The following ACSF3 variants were observed in gnomAD, a reference collection of about 807,000 sequenced individuals.
ACSF3 encodes the protein acyl-CoA synthetase family member 3.
Under a neutral mutation model 53.2 loss-of-function variants are expected in ACSF3, and 78 were observed. The observed-to-expected ratio is 1.47, with a 90% CI of 1.22 to 1.77. ACSF3 has a LOEUF of 1.77. ACSF3 is among the 40% of genes most tolerant of loss of function. ACSF3 has a pLI of 0.00. For synonymous variants in ACSF3, 414 were observed against 333.1 expected (o/e 1.24, Z -2.65); for missense variants, 937 against 771.1 (o/e 1.22, Z -2.55).
At position 89,154,646 on chromosome 16, in the gene ACSF3, G is replaced by C. The variant is rs76940692; in HGVS notation, c.*439G>C. On this transcript the variant is annotated 3_prime_UTR_variant, in exon 11 of 11. Coordinates refer to ENST00000614302, the MANE Select transcript of ACSF3 (RefSeq NM_001243279.3). Reference sequence around the variant, plus strand: ...GCCTCACCCAGAGCCAGTGTCTCCCGGCCCACATAGGAGGTCTGGGCAGCC... The same window carrying C: ...GCCTCACCCAGAGCCAGTGTCTCCCCGCCCACATAGGAGGTCTGGGCAGCC... 2.2e-6 allele frequency: 1 copy of C among 454,506 alleles called. No individual in the cohort carries two copies. Among genetic ancestry groups the C allele is most frequent in the African/African-American group, 2.0e-5 (1 of 50,096 alleles). 28.2% of individuals were successfully genotyped at this position (454,506 alleles called of 1,614,324 possible). A position where few individuals can be genotyped will look rare whatever the true frequency, so the allele number is the denominator to read the frequency against.
At chr16:89,106,818 C>T (rs982714898) in intron 4 of ACSF3, among the ~76,000 whole-genome samples, 6 of 152,302 alleles carry the variant, frequency 3.9e-5, no homozygotes, top group African/African-American at 1.4e-4. Context: ...CGATCTCAGA[C>T]GCGGTGTCTT....
intron 7 of ACSF3, among the ~76,000 whole-genome samples, chr16:89,123,837 C>T (rs575745292): frequency 2.0e-5 from 3 of 152,310 alleles, no homozygotes; most frequent in African/African-American, 7.2e-5. Context: ...AGGGCTCAGC[C>T]TCCTCCATCA....
chr16:89,151,290 G>A (rs138044073), intron 10 of ACSF3: 1 of 429,562 alleles, frequency 2.3e-6, no homozygotes, highest in Admixed American at 2.6e-5. Flanking sequence ...GGCCCAAAAG[G>A]CTTCACTGAT....
intron 8 of ACSF3, chr16:89,141,150 C>A (rs751046269): frequency 1.6e-6 from 2 of 1,287,144 alleles, no homozygotes; most frequent in African/African-American, 3.0e-5. Context: ...GTGTCCGACC[C>A]GCTCTTGCTT....
At chr16:89,143,122 C>T (rs1912190478) in intron 8 of ACSF3, among the ~76,000 whole-genome samples, 1 of 152,124 alleles carries the variant, frequency 6.6e-6, no homozygotes, top group Non-Finnish European at 1.5e-5. Context: ...AAATAACACA[C>T]AGGGGTTCCT....
At chr16:89,113,384 C>T (rs1904392542) in intron 5 of ACSF3, 1 of 152,342 alleles carries the variant, frequency 6.6e-6, no homozygotes, top group Non-Finnish European at 1.5e-5. Context: ...TTGCCGTTCC[C>T]TTGCCCCTTT....
Position 89,102,635 on chromosome 16 carries a change from C to T in ACSF3, c.698C>T (p.Thr233Ile). 6.2e-7 allele frequency: 1 copy of T among 1,613,834 alleles called. No individual in the cohort carries two copies. The highest frequency in any genetic ancestry group is 8.5e-7 in the Non-Finnish European group (1 of 1,180,022). ...GGGCTGGTCCACAAGTGGGCATGGA[C>T]CAAAGACGACGTGATCCTCCACGTG... ...VTGLVHKWAWTKDDVILHVLP... is the reference protein window; with the variant it reads ...VTGLVHKWAWIKDDVILHVLP... The change falls in exon 4 of 11, where the codon ACC (threonine) becomes ATC (isoleucine). Residue 233 changes from threonine (T) to isoleucine (I), a missense_variant. Physicochemically the swap from Thr to Ile is moderately conservative, Grantham distance 89. Transcript: ENST00000614302.
chr16:89,141,699 A>G (rs1432943118), intron 8 of ACSF3, among the ~76,000 whole-genome samples: 3 of 152,114 alleles, frequency 2.0e-5, no homozygotes, highest in Non-Finnish European at 4.4e-5. Flanking sequence ...GGCAGCAGTG[A>G]GGATGGGGAT....
At chr16:89,116,748 G>A (rs1487561654) in intron 6 of ACSF3, among the ~76,000 whole-genome samples, 2 of 152,070 alleles carry the variant, frequency 1.3e-5, no homozygotes, top group East Asian at 1.9e-4. Context: ...CCAGGAAACC[G>A]CCGTCAGTGC....
intron 4 of ACSF3, among the ~76,000 whole-genome samples, chr16:89,107,291 A>G (rs899107858): frequency 3.9e-5 from 6 of 152,164 alleles, no homozygotes; most frequent in Admixed American, 2.0e-4. Context: ...GAATTCCAAG[A>G]AAGACCGTCC....
chr16:89,133,870 C>A (rs913637198), intron 8 of ACSF3, among the ~76,000 whole-genome samples: 2 of 152,338 alleles, frequency 1.3e-5, no homozygotes, highest in East Asian at 3.9e-4. Flanking sequence ...GCCCAGGAAG[C>A]CTGTGGCGGT....
chr16:89,156,174 C>T lies in ACSF3; in HGVS notation c.*1967C>T, dbSNP rs1205201026. Among the ~76,000 whole-genome samples, 1 of 152,194 alleles carries T rather than the reference C, an allele frequency of 6.6e-6. No homozygotes were observed. Among genetic ancestry groups the T allele is most frequent in the African/African-American group, 2.4e-5 (1 of 41,456 alleles). ...CTCTGCTCCACCAGCCGAGAACAAG[C>T]CCGTCCTGGAGGGAACTCATCCTCT... is the stretch of plus-strand genomic sequence containing the variant. On this transcript the variant is annotated 3_prime_UTR_variant, in exon 11 of 11. Coordinates refer to ENST00000614302, the MANE Select transcript of ACSF3 (RefSeq NM_001243279.3).
chr16:89,102,791 C>T (rs1206778845), intron 4 of ACSF3, 32 bp downstream of exon 4: 2 of 1,579,168 alleles, frequency 1.3e-6, no homozygotes, highest in East Asian at 2.3e-5. Context: ...CGGTTGCACC[C>T]TCAGACTAGG....
At chr16:89,112,619 C>T (rs997431823) in intron 5 of ACSF3, among the ~76,000 whole-genome samples, 3 of 151,980 alleles carry the variant, frequency 2.0e-5, no homozygotes, top group Non-Finnish European at 4.4e-5. Flanking sequence ...TGTCTCTCTC[C>T]ATCGCTCTTC....
chr16:89,150,986 TCA>T, intron 10 of ACSF3: 1 of 1,284,040 alleles, frequency 7.8e-7, no homozygotes, highest in Non-Finnish European at 1.0e-6. Flanking sequence ...GGGAGGAAAT[TCA>T]CAGTCAAATT....
At chr16:89,148,512 C>T (rs1396380517) in intron 10 of ACSF3, 1 of 152,106 alleles carries the variant, frequency 6.6e-6, no homozygotes, top group African/African-American at 2.4e-5. Context: ...TCCTGTGGCT[C>T]TGTAGGGTAC....
intron 8 of ACSF3, chr16:89,136,583 G>T (rs1219254249): frequency 1.6e-6 from 2 of 1,281,384 alleles, no homozygotes; most frequent in Non-Finnish European, 2.0e-6. Flanking sequence ...GCATAAGCCG[G>T]CGGGCACAGG....
chr16:89,132,315 C>T (rs967323589), intron 7 of ACSF3, among the ~76,000 whole-genome samples: 4 of 152,210 alleles, frequency 2.6e-5, no homozygotes, highest in Admixed American at 2.0e-4. Context: ...GGCAGCTGCT[C>T]ATCTGAAGCC....
chr16:89,106,482 CG>C (rs1976001074), intron 4 of ACSF3, among the ~76,000 whole-genome samples: 1 of 151,992 alleles, frequency 6.6e-6, no homozygotes, highest in South Asian at 2.1e-4. Context: ...TTAGTAGAGA[CG>C]GGGTTTCACT....
Sources: allele counts gnomAD v4.1 joint callset (sites outside exome capture counted in the v4.1 genomes callset), GRCh38; gene constraint gnomAD v4.1.1; transcripts MANE v1.5; gene names NCBI Gene and HGNC (gene_info 2026-07-23, HGNC 2026-07-21).